The following MRTFA variants were observed in gnomAD, a reference collection of about 807,000 sequenced individuals.
MRTFA encodes myocardin related transcription factor A, also known as myocardin-related transcription factor A.
In MRTFA, 20 loss-of-function variants were observed where a neutral mutation model predicts 83.5. The observed-to-expected ratio is 0.24, with a 90% CI of 0.17 to 0.35. The LOEUF (loss-of-function observed/expected upper bound fraction) is 0.35. Ranked by LOEUF, MRTFA falls within the 10% of genes least tolerant of loss-of-function variation. The pLI is 1.00. For synonymous variants in MRTFA, 659 were observed against 541.2 expected (o/e 1.22, Z -3.02); for missense variants, 1,200 against 1,224.7 (o/e 0.98, Z 0.30).
chr22:40,487,522 C>T (rs1268106715), intron 3 of MRTFA, among the ~76,000 whole-genome samples: 1 of 152,150 alleles, frequency 6.6e-6, no homozygotes, highest in Non-Finnish European at 1.5e-5. Context: ...CAGACCACTA[C>T]TGGGATATTA....
intron 5 of MRTFA, 84 bp downstream of exon 5, chr22:40,435,415 G>T: frequency 2.8e-6 from 4 of 1,430,104 alleles, no homozygotes; most frequent in Admixed American, 1.7e-5. Context: ...TCTATGGAAA[G>T]CTCTAAATGG....
chr22:40,596,856 T>C (rs1391316024), intron 1 of MRTFA, among the ~76,000 whole-genome samples: 1 of 151,794 alleles, frequency 6.6e-6, no homozygotes, highest in African/African-American at 2.4e-5. Context: ...ACACCTGTAA[T>C]CCCAGCTACT....
Position 40,564,532 on chromosome 22 carries a change from C to T in MRTFA, c.-21-12165G>A, listed in dbSNP as rs142374226. Among the ~76,000 whole-genome samples the T allele has an allele frequency of 9.6e-3, 1,455 of 152,274 alleles. 23 individuals are homozygous for T. Among genetic ancestry groups the T allele is most frequent in the Middle Eastern group, 0.01 (3 of 294 alleles). On this transcript the variant is annotated intron_variant, in intron 2 of 14. Transcript: ENST00000355630. ...ACTCTGGATCTTGGACCATCCCTCACCATCCTTCTGATTCCTAAAATTGTC... is the reference window on the plus strand; with the variant it reads ...ACTCTGGATCTTGGACCATCCCTCATCATCCTTCTGATTCCTAAAATTGTC...
chr22:40,450,318 C>T (rs921751743), intron 4 of MRTFA, among the ~76,000 whole-genome samples: 2 of 152,092 alleles, frequency 1.3e-5, no homozygotes, highest in South Asian at 2.1e-4. Context: ...AGAAAGATGC[C>T]CATGGCCTTC....
At chr22:40,503,276 CCAGA>C (rs1159346998) in intron 3 of MRTFA, among the ~76,000 whole-genome samples, 4 of 152,208 alleles carry the variant, frequency 2.6e-5, no homozygotes, top group East Asian at 1.9e-4. Context: ...TCAGATGTCA[CCAGA>C]CAATTAATTT....
At chr22:40,471,953 C>T (rs866950474) in intron 3 of MRTFA, among the ~76,000 whole-genome samples, 9 of 152,212 alleles carry the variant, frequency 5.9e-5, no homozygotes, top group Admixed American at 1.3e-4. Flanking sequence ...TTCCCCAACT[C>T]ATTTAATGAA....
At chr22:40,538,990 G>GTTTTTTT (rs1329210578) in intron 3 of MRTFA, among the ~76,000 whole-genome samples, 1 of 119,326 alleles carries the variant, frequency 8.4e-6, no homozygotes, top group Non-Finnish European at 1.6e-5. Flanking sequence ...ACAGCCTTTT[G>GTTTTTTT]TTTTTTTTTT....
At chr22:40,415,810 T>C (rs891143227) in intron 14 of MRTFA, among the ~76,000 whole-genome samples, 1 of 152,030 alleles carries the variant, frequency 6.6e-6, no homozygotes, top group Admixed American at 6.5e-5. Flanking sequence ...GTTGTGCCCA[T>C]GATGCCTACC....
intron 2 of MRTFA, among the ~76,000 whole-genome samples, chr22:40,585,000 G>A (rs969819614): frequency 2.0e-5 from 3 of 152,140 alleles, no homozygotes; most frequent in African/African-American, 4.8e-5. Context: ...AGCCAAGATC[G>A]CACCACTGCA....
intron 2 of MRTFA, among the ~76,000 whole-genome samples, chr22:40,555,565 C>T (rs542118742): frequency 2.6e-5 from 4 of 151,306 alleles, no homozygotes; most frequent in African/African-American, 9.7e-5. Context: ...ACCAATTAAA[C>T]CTCATAAATT....
intron 1 of MRTFA, among the ~76,000 whole-genome samples, chr22:40,614,803 T>C (rs571136570): frequency 6.6e-6 from 1 of 152,298 alleles, no homozygotes; most frequent in East Asian, 1.9e-4. Context: ...TATTTTCTTC[T>C]AAGAAATGTC....
At chr22:40,429,150 T>C (rs1484265429) in intron 7 of MRTFA, among the ~76,000 whole-genome samples, 2 of 152,184 alleles carry the variant, frequency 1.3e-5, no homozygotes, top group Non-Finnish European at 2.9e-5. Context: ...GCTGTGGCCT[T>C]AGCACCTAGC....
chr22:40,453,143 C>T (rs1329115131), intron 4 of MRTFA, among the ~76,000 whole-genome samples: 1 of 152,210 alleles, frequency 6.6e-6, no homozygotes, highest in Non-Finnish European at 1.5e-5. Flanking sequence ...TTTCTCTCAG[C>T]TTCAACTCTA....
chr22:40,535,139 G>C (rs1400364179), intron 3 of MRTFA, among the ~76,000 whole-genome samples: 1 of 152,030 alleles, frequency 6.6e-6, no homozygotes, highest in Non-Finnish European at 1.5e-5. Context: ...ATGCTGCTCT[G>C]GGAAAGCAGA....
At chr22:40,570,824 TAG>T (rs2055779447) in intron 2 of MRTFA, among the ~76,000 whole-genome samples, 2 of 151,310 alleles carry the variant, frequency 1.3e-5, no homozygotes, top group South Asian at 4.2e-4. Flanking sequence ...AGACAAAAAA[TAG>T]ACTTATATCA....
At chr22:40,622,386 C>T (rs541376524) in intron 1 of MRTFA, among the ~76,000 whole-genome samples, 1 of 150,888 alleles carries the variant, frequency 6.6e-6, no homozygotes, top group East Asian at 2.0e-4. Context: ...GAGGCTGAGG[C>T]AGGAGAATCA....
chr22:40,606,327 C>G (rs933702383), intron 1 of MRTFA, among the ~76,000 whole-genome samples: 1 of 152,146 alleles, frequency 6.6e-6, no homozygotes, highest in African/African-American at 2.4e-5. Flanking sequence ...TAGTTATGCT[C>G]AAAGAGATTT....
intron 1 of MRTFA, among the ~76,000 whole-genome samples, chr22:40,602,724 G>A (rs2056274859): frequency 6.6e-6 from 1 of 151,520 alleles, no homozygotes; most frequent in African/African-American, 2.4e-5. Context: ...GCATGTGCCT[G>A]TAATCCCAGT....
At chr22:40,423,814 G>A (rs552498666) in intron 8 of MRTFA, 129 bp from the exon 9 acceptor site, 91 of 836,422 alleles carry the variant, frequency 1.1e-4, no homozygotes, top group Admixed American at 1.4e-4. Context: ...GAGACCGGAG[G>A]AGGAGAAGAG....
Sources: gnomAD v4.1 joint callset for allele counts (sites outside exome capture counted in the v4.1 genomes callset) on GRCh38, gnomAD v4.1.1 for gene constraint, MANE v1.5 for transcripts, NCBI Gene and HGNC (gene_info 2026-07-23, HGNC 2026-07-21) for gene names.